The following DAB1 variants were observed in gnomAD, a reference collection of about 807,000 sequenced individuals.
DAB1 encodes DAB adaptor protein 1, also known as disabled homolog 1.
In DAB1, 15 loss-of-function variants were observed where a neutral mutation model predicts 64.6. The ratio of observed to expected loss-of-function variants is 0.23; its 90% CI spans 0.16 to 0.36. The LOEUF (loss-of-function observed/expected upper bound fraction) is 0.36. DAB1 is among the 10% of genes least tolerant of loss of function. The probability of loss-of-function intolerance (pLI) is 1.00; values close to 1 mark genes in which losing one functional copy is unlikely to be tolerated. For synonymous variants in DAB1, 235 were observed against 251.9 expected, an observed-to-expected ratio of 0.93 and a Z score of 0.64; for missense variants, 596 against 706.7, an observed-to-expected ratio of 0.84 and a Z score of 1.78.
chr1:57,130,613 G>A (rs537374904), intron 4 of DAB1, among the ~76,000 whole-genome samples: 1 of 152,074 alleles, frequency 6.6e-6, no homozygotes, highest in East Asian at 1.9e-4. Context: ...GGAGAACATG[G>A]ACGAGCCTGG....
intron 1 of DAB1, among the ~76,000 whole-genome samples, chr1:57,409,192 C>T (rs749856332): frequency 3.9e-5 from 6 of 152,164 alleles, no homozygotes; most frequent in Non-Finnish European, 7.3e-5. Context: ...TCTATCATAC[C>T]ACAGAGGTAG....
chr1:57,105,770 C>A (rs964740946), intron 4 of DAB1, among the ~76,000 whole-genome samples: 1 of 152,160 alleles, frequency 6.6e-6, no homozygotes, highest in African/African-American at 2.4e-5. Flanking sequence ...TTTTCCTTAA[C>A]GTTTTCTTCT....
At chr1:58,076,087 G>A (rs1044490802) in intron 5 of DAB1, among the ~76,000 whole-genome samples, 1 of 152,126 alleles carries the variant, frequency 6.6e-6, no homozygotes, top group African/African-American at 2.4e-5. Flanking sequence ...GAAAGAAAAG[G>A]AAATAGTGAG....
At chr1:57,400,798 G>A (rs1033764292) in intron 1 of DAB1, among the ~76,000 whole-genome samples, 1 of 151,830 alleles carries the variant, frequency 6.6e-6, no homozygotes, top group Non-Finnish European at 1.5e-5. Context: ...CATACAAAGA[G>A]CAATCATGAA....
intron 7 of DAB1, among the ~76,000 whole-genome samples, chr1:57,625,915 C>T (rs996607329): frequency 6.6e-6 from 1 of 152,004 alleles, no homozygotes; most frequent in Non-Finnish European, 1.5e-5. Context: ...CTGGGTCGAA[C>T]CTTTATTTTA....
intron 4 of DAB1, among the ~76,000 whole-genome samples, chr1:57,106,485 G>T (rs1290507113): frequency 6.6e-6 from 1 of 152,162 alleles, no homozygotes; most frequent in African/African-American, 2.4e-5. Context: ...CATCTTTGAT[G>T]TATGTGGGTC....
chr1:58,454,366 G>T (rs1052620766), intron 3 of DAB1, among the ~76,000 whole-genome samples: 1 of 152,174 alleles, frequency 6.6e-6, no homozygotes, highest in African/African-American at 2.4e-5. Flanking sequence ...CTCATCTTCA[G>T]ACCCATTCAG....
At chr1:57,326,211 A>G (rs1264335571) in intron 1 of DAB1, among the ~76,000 whole-genome samples, 1 of 152,134 alleles carries the variant, frequency 6.6e-6, no homozygotes, top group African/African-American at 2.4e-5. Flanking sequence ...ACCTCAGTCC[A>G]CCTTGTTCGC....
chr1:57,990,295 C>G (rs553246023), intron 5 of DAB1, among the ~76,000 whole-genome samples: 147 of 152,322 alleles, frequency 9.7e-4, no homozygotes, highest in African/African-American at 3.5e-3. Flanking sequence ...AAGTTACTCT[C>G]CCATAATCAC....
intron 4 of DAB1, among the ~76,000 whole-genome samples, chr1:58,222,785 T>A (rs1451493563): frequency 6.6e-6 from 1 of 152,232 alleles, no homozygotes; most frequent in African/African-American, 2.4e-5. Flanking sequence ...TTGTGTCCTT[T>A]AAATAACACT....
chr1:57,672,559 T>C (rs527829576), intron 6 of DAB1, among the ~76,000 whole-genome samples: 4 of 152,272 alleles, frequency 2.6e-5, no homozygotes, highest in African/African-American at 9.6e-5. Context: ...TCCGCATCAA[T>C]GAATAGGCAG....
chr1:57,282,731 C>G (rs1026103530), intron 2 of DAB1, among the ~76,000 whole-genome samples: 1 of 152,070 alleles, frequency 6.6e-6, no homozygotes, highest in Non-Finnish European at 1.5e-5. Context: ...GCCTCCAAAC[C>G]CTTTGGCCCA....
At chr1:57,938,997 T>C (rs534186549) in intron 5 of DAB1, among the ~76,000 whole-genome samples, 26 of 152,106 alleles carry the variant, frequency 1.7e-4, no homozygotes, top group Non-Finnish European at 3.1e-4. Context: ...TCTAATAAGG[T>C]CAATATCTTA....
chr1:57,690,877 G>C (rs750483026), intron 6 of DAB1, among the ~76,000 whole-genome samples: 10 of 152,048 alleles, frequency 6.6e-5, no homozygotes, highest in Non-Finnish European at 1.3e-4. Context: ...GTTTTGATTT[G>C]TATTTCTCTG....
Position 58,056,412 on chromosome 1 carries a change from G to A in DAB1, n.387+94099C>T, listed in dbSNP as rs758226347. On this transcript the variant is annotated intron_variant and non_coding_transcript_variant, in intron 5 of 20. Transcript: ENST00000485760. ...TGGGCACGCATCGGGCACAGTTAGT[G>A]CAGCGAATAGGCTGCACGTGGCCGC... 2.6e-6 allele frequency: 4 copies of A among 1,564,080 alleles called. No individual in the cohort carries two copies. The Admixed American group carries it at 5.0e-5, about 20-fold the overall frequency.
At chr1:57,519,501 C>T (rs1382964977) in intron 7 of DAB1, among the ~76,000 whole-genome samples, 1 of 152,142 alleles carries the variant, frequency 6.6e-6, no homozygotes, top group Non-Finnish European at 1.5e-5. Context: ...GGTGACAAAA[C>T]TCAGAGGGAT....
chr1:57,640,542 C>T (rs1397917459), intron 7 of DAB1, among the ~76,000 whole-genome samples: 1 of 152,152 alleles, frequency 6.6e-6, no homozygotes, highest in African/African-American at 2.4e-5. Context: ...GTTGGATTTT[C>T]AGCTTCAAAG....
intron 8 of DAB1, among the ~76,000 whole-genome samples, chr1:57,067,980 G>C (rs1388926617): frequency 2.0e-5 from 3 of 152,150 alleles, no homozygotes; most frequent in African/African-American, 4.8e-5. Flanking sequence ...GTTGGTAAGA[G>C]AGCCTGGACT....
At chr1:57,178,567 A>G (rs879798298) in intron 2 of DAB1, among the ~76,000 whole-genome samples, 1 of 152,210 alleles carries the variant, frequency 6.6e-6, no homozygotes, top group African/African-American at 2.4e-5. Context: ...ATTTATGGAT[A>G]AAACTATAGA....
Sources: gnomAD v4.1 joint callset for allele counts (sites outside exome capture counted in the v4.1 genomes callset) on GRCh38, gnomAD v4.1.1 for gene constraint, MANE v1.5 for transcripts, NCBI Gene and HGNC (gene_info 2026-07-23, HGNC 2026-07-21) for gene names.